FANCD2: variants seen among roughly 807,000 people sequenced by gnomAD.
FANCD2 encodes the protein FA complementation group D2.
FANCD2 carries 131 observed loss-of-function variants against 192.3 expected under a neutral mutation model. The observed-to-expected ratio is 0.68, with a 90% CI of 0.59 to 0.79. The LOEUF is 0.79. FANCD2 is among the 30% of genes least tolerant of loss of function. The pLI, the probability that FANCD2 is intolerant of heterozygous loss-of-function variation, is 0.00. For synonymous variants in FANCD2, 524 were observed against 612.5 expected, an observed-to-expected ratio of 0.86 and a Z score of 2.13; for missense variants, 1,508 against 1,701.6, an observed-to-expected ratio of 0.89 and a Z score of 2.00.
chr3:10,100,262 G>C (rs1235031147), intron 43 of FANCD2, among the ~76,000 whole-genome samples: 2 of 152,182 alleles, frequency 1.3e-5, no homozygotes, highest in African/African-American at 2.4e-5. Context: ...CAGAATTTGA[G>C]GCAGACAATA....
At chr3:10,044,126 C>T (rs1432118025) in intron 14 of FANCD2, among the ~76,000 whole-genome samples, 1 of 152,180 alleles carries the variant, frequency 6.6e-6, no homozygotes, top group Admixed American at 6.5e-5. Context: ...ACAAGCACAT[C>T]AAGGTGCAGT....
rs1274574976 is a variant in FANCD2, at chr3:10,031,317, C to CA, written c.65-1514dup. The stretch of plus-strand genomic sequence containing the variant: ...AGGAGATTGAGACCATCTTGGCTAA[C>CA]ATGGTGAAACCCCGTCTCTACTAAA... On this transcript the variant is annotated intron_variant, in intron 2 of 43. Coordinates refer to ENST00000675286, the MANE Select transcript of FANCD2 (RefSeq NM_001018115.3). Among the ~76,000 whole-genome samples, 15 of 152,160 alleles carry CA rather than the reference C, an allele frequency of 9.9e-5. 1 individual carries two copies. In the East Asian group the frequency reaches 1.9e-3, roughly 20 times the overall value.
chr3:10,035,810 C>T (rs2086713949), intron 6 of FANCD2, among the ~76,000 whole-genome samples: 1 of 152,086 alleles, frequency 6.6e-6, no homozygotes, highest in African/African-American at 2.4e-5. Context: ...CCTTGTTCCT[C>T]CTGAGAGCTC....
rs771078251 is a variant in FANCD2, at chr3:10,090,314, C to T, written c.3706C>T (p.Arg1236Cys). Residue 1236 changes from arginine to cysteine, a missense_variant, in exon 37 of 44, where the codon CGT (arginine) becomes TGT (cysteine). Around this residue, in one of 5 missense-constraint regions of FANCD2, gnomAD observed 796 missense variants for 879.4 expected, o/e 0.91. Coordinates refer to ENST00000675286, the MANE Select transcript of FANCD2 (RefSeq NM_001018115.3). ...TAGGCATACTTTTGTTGTTTTCTTC[C>T]GTGTGATGATGGCTGAACTAGAGAA... ...LTRHTFVVFF[R>C]VMMAELEKTV... 6.2e-6 allele frequency: 10 copies of T among 1,613,324 alleles called. No homozygotes were observed. The highest frequency in any genetic ancestry group is 7.6e-6 in the Non-Finnish European group (9 of 1,179,764).
intron 2 of FANCD2, among the ~76,000 whole-genome samples, chr3:10,029,746 C>A (rs1392567618): frequency 1.3e-5 from 2 of 152,180 alleles, no homozygotes; most frequent in African/African-American, 4.8e-5. Flanking sequence ...TCCACCCTTT[C>A]TCTTGAGTAT....
chr3:10,062,335 G>C, intron 20 of FANCD2, 124 bp downstream of exon 20: 1 of 731,620 alleles, frequency 1.4e-6, no homozygotes, highest in South Asian at 1.6e-5. Context: ...CCACCTCTCA[G>C]GTTCAAGTGA....
chr3:10,035,562 G>A (rs2086707364), intron 6 of FANCD2, among the ~76,000 whole-genome samples: 1 of 152,014 alleles, frequency 6.6e-6, no homozygotes, highest in Non-Finnish European at 1.5e-5. Flanking sequence ...CTTTTTAGAT[G>A]CTTATGTAAC....
At chr3:10,058,018 T>C in intron 18 of FANCD2, 1 of 455,660 alleles carries the variant, frequency 2.2e-6, no homozygotes, top group Non-Finnish European at 4.2e-6. Context: ...AGTTTGCCCT[T>C]TCTGCCTTCT....
intron 40 of FANCD2, 55 bp from the exon 41 acceptor site, chr3:10,095,145 A>G: frequency 6.9e-7 from 1 of 1,440,810 alleles, no homozygotes; most frequent in Non-Finnish European, 9.8e-7. Flanking sequence ...GGTATCTTGA[A>G]TCTAAAATGA....
rs370043861 is a variant in FANCD2 at position 10,035,123 on chromosome 3, A to G, written c.378-50A>G. 4.8e-6 allele frequency: 7 copies of G among 1,472,330 alleles called. No individual in the cohort carries two copies. In the African/African-American group the frequency reaches 5.6e-5, roughly 12 times the overall value. The allele number at this position is 1,472,330 out of a possible 1,614,324, so 91.2% of individuals were successfully genotyped here. ...TTTATTGAGAAAAGATGATAAAAGC[A>G]TTAAAACAAGGAAAGCAAAGTGGAA... On this transcript the variant is annotated intron_variant, in intron 5 of 43. Transcript: ENST00000675286.
Position 10,067,287 on chromosome 3 carries a change from T to C in FANCD2, c.2464T>C (p.Leu822=). 6.2e-7 allele frequency: 1 copy of C among 1,613,170 alleles called. No individual in the cohort carries two copies. Among genetic ancestry groups the C allele is most frequent in the Non-Finnish European group, 8.5e-7 (1 of 1,179,200 alleles). ...VLTRLKHIVE[L]QIILEKYLAV... ...CACTCGGTTAAAGCACATTGTAGAA[T>C]TGCAAATAATCCTGGAAAAGTACTT... is the stretch of plus-strand genomic sequence containing the variant. The change falls in exon 26 of 44, where the codon TTG becomes CTG. Residue 822 remains leucine, a synonymous_variant. Coordinates refer to ENST00000675286, the MANE Select transcript of FANCD2 (RefSeq NM_001018115.3).
intron 9 of FANCD2, 120 bp downstream of exon 9, chr3:10,039,965 T>TCATGAAGGGGGGTA: frequency 1.8e-6 from 2 of 1,104,572 alleles, no homozygotes; most frequent in Non-Finnish European, 2.7e-6. Context: ...GATACCCCCC[T>TCATGAAGGGGGGTA]TCATGAGTAG....
chr3:10,066,458 A>G (rs1218843944), intron 25 of FANCD2, among the ~76,000 whole-genome samples: 3 of 152,222 alleles, frequency 2.0e-5, no homozygotes, highest in Non-Finnish European at 2.9e-5. Flanking sequence ...CTATTATGAT[A>G]CGGGCAGGAT....
chr3:10,027,702 A>C (rs868309176), intron 1 of FANCD2, among the ~76,000 whole-genome samples: 1 of 150,242 alleles, frequency 6.7e-6, no homozygotes, highest in Non-Finnish European at 1.5e-5. Flanking sequence ...TTATGAGATC[A>C]AGACTATCCT....
chr3:10,056,275 T>C (rs368551193), intron 18 of FANCD2, among the ~76,000 whole-genome samples: 1 of 152,248 alleles, frequency 6.6e-6, no homozygotes, highest in East Asian at 1.9e-4. Flanking sequence ...AATGTTGCTG[T>C]GACCATTGGT....
chr3:10,052,620 G>T (rs1172610952), intron 18 of FANCD2, 123 bp downstream of exon 18: 4 of 713,392 alleles, frequency 5.6e-6, no homozygotes, highest in Non-Finnish European at 1.0e-5. Context: ...CTGGGTTCAA[G>T]CGATTCTCCT....
At chr3:10,034,621 G>A in intron 4 of FANCD2, 74 bp from the exon 5 acceptor site, 1 of 1,489,886 alleles carries the variant, frequency 6.7e-7, no homozygotes, top group South Asian at 1.1e-5. Flanking sequence ...AAAGTTGAGT[G>A]GGCTAGAATG....
intron 43 of FANCD2, among the ~76,000 whole-genome samples, chr3:10,100,654 G>A (rs1055872483): frequency 6.6e-6 from 1 of 152,166 alleles, no homozygotes; most frequent in Non-Finnish European, 1.5e-5. Flanking sequence ...TTACTTTGGC[G>A]TGAGCCACCG....
At position 10,039,172 on chromosome 3, in the gene FANCD2, T is replaced by C. The variant is rs144729861; in HGVS notation, c.492-107T>C. 1.5e-4 allele frequency: 111 copies of C among 740,846 alleles called. 2 individuals are homozygous for C. The highest frequency in any genetic ancestry group is 1.5e-3 in the African/African-American group (86 of 57,714). The allele number at this position is 740,846 out of a possible 1,614,324, so 45.9% of individuals were successfully genotyped here. A position where few individuals can be genotyped will look rare whatever the true frequency, so the allele number is the denominator to read the frequency against. On this transcript the variant is annotated intron_variant, in intron 7 of 43. Transcript: ENST00000675286. ...GCAGTGCCGAATGCATAGTAGGTGTTCGGTAAATGTTAATGGAATGGCTAA... is the reference window on the plus strand; with the variant it reads ...GCAGTGCCGAATGCATAGTAGGTGTCCGGTAAATGTTAATGGAATGGCTAA...
Sources: gnomAD v4.1 joint callset for allele counts (sites outside exome capture counted in the v4.1 genomes callset) on GRCh38, gnomAD v4.1.1 for gene constraint, gnomAD v4.1.1 regional missense constraint, MANE v1.5 for transcripts, NCBI Gene and HGNC (gene_info 2026-07-23, HGNC 2026-07-21) for gene names.